GPHN: variants seen among roughly 807,000 people sequenced by gnomAD.
GPHN encodes the protein gephyrin.
In GPHN, 17 loss-of-function variants were observed where a neutral mutation model predicts 95.5. The observed-to-expected ratio is 0.18, with a 90% CI of 0.12 to 0.27. The LOEUF (loss-of-function observed/expected upper bound fraction) is 0.27. Ranked by LOEUF, GPHN falls within the 10% of genes least tolerant of loss-of-function variation. GPHN has a pLI of 1.00. For synonymous variants in GPHN, 320 were observed against 322.5 expected (o/e 0.99, Z 0.08); for missense variants, 660 against 978.1 (o/e 0.67, Z 4.34).
chr14:67,382,721 G>A, the GPHN span: 15 of 1,007,214 alleles, frequency 1.5e-5, no homozygotes, highest in Admixed American at 2.0e-5. Context: ...GATCACTAAT[G>A]GTGTTAGGGT....
At chr14:66,609,024 G>C (rs1398272162) in intron 1 of GPHN, among the ~76,000 whole-genome samples, 1 of 152,080 alleles carries the variant, frequency 6.6e-6, no homozygotes, top group Non-Finnish European at 1.5e-5. Flanking sequence ...TACAGAAATT[G>C]TGTTTTTAGC....
chr14:67,429,027 G>A, the GPHN span, among the ~76,000 whole-genome samples: 3 of 152,154 alleles, frequency 2.0e-5, no homozygotes, highest in Non-Finnish European at 4.4e-5. Flanking sequence ...GGAATGTGAA[G>A]GCTCAAGACC....
the GPHN span, among the ~76,000 whole-genome samples, chr14:67,355,338 C>T: frequency 6.7e-6 from 1 of 149,154 alleles, no homozygotes; most frequent in Non-Finnish European, 1.5e-5. Flanking sequence ...AGCCCCAATA[C>T]CAAAGTCAAG....
the GPHN span, chr14:67,674,543 TC>T: frequency 1.4e-6 from 2 of 1,477,384 alleles, no homozygotes; most frequent in Non-Finnish European, 1.8e-6. Flanking sequence ...CTGGGCCCTT[TC>T]CTAGCCCGGC....
the GPHN span, among the ~76,000 whole-genome samples, chr14:67,687,813 G>T: frequency 6.9e-6 from 1 of 145,448 alleles, no homozygotes; most frequent in East Asian, 2.0e-4. Flanking sequence ...TACTCGTGAC[G>T]CCCAGGCTGG....
At chr14:67,038,576 C>A (rs1279520442) in intron 10 of GPHN, among the ~76,000 whole-genome samples, 1 of 151,966 alleles carries the variant, frequency 6.6e-6, no homozygotes, top group Non-Finnish European at 1.5e-5. Flanking sequence ...GTATATGTTA[C>A]CATTCTATGT....
At chr14:67,404,770 A>G in the GPHN span, among the ~76,000 whole-genome samples, 2 of 151,770 alleles carry the variant, frequency 1.3e-5, no homozygotes, top group Non-Finnish European at 2.9e-5. Flanking sequence ...TGATCACACC[A>G]ATGAACTCCA....
At chr14:67,557,355 G>A in the GPHN span, 11 of 1,613,826 alleles carry the variant, frequency 6.8e-6, no homozygotes, top group Non-Finnish European at 9.3e-6. Flanking sequence ...ACCAAGAATT[G>A]CTGAAAGCCA....
At chr14:66,639,299 A>G (rs1449312119) in intron 1 of GPHN, among the ~76,000 whole-genome samples, 1 of 152,142 alleles carries the variant, frequency 6.6e-6, no homozygotes, top group East Asian at 1.9e-4. Context: ...GGTTTAAAAA[A>G]AATTCATCAG....
intron 1 of GPHN, among the ~76,000 whole-genome samples, chr14:66,612,600 A>T (rs186354463): frequency 2.6e-5 from 4 of 152,094 alleles, no homozygotes; most frequent in Non-Finnish European, 4.4e-5. Context: ...ACATAATTCA[A>T]ATTCACAAAT....
At chr14:66,928,262 G>T (rs981830889) in intron 8 of GPHN, among the ~76,000 whole-genome samples, 2 of 152,118 alleles carry the variant, frequency 1.3e-5, no homozygotes, top group African/African-American at 4.8e-5. Flanking sequence ...TTGGTAGGTT[G>T]TATGCATCTA....
At chr14:67,298,407 C>T in the GPHN span, among the ~76,000 whole-genome samples, 4 of 151,578 alleles carry the variant, frequency 2.6e-5, no homozygotes, top group African/African-American at 9.7e-5. Context: ...CCCAGCTACT[C>T]AGGAGTCTGA....
At chr14:66,965,078 A>G (rs1594653964) in intron 8 of GPHN, 113 bp from the exon 9 acceptor site, 2 of 851,484 alleles carry the variant, frequency 2.3e-6, no homozygotes, top group East Asian at 4.8e-5. Flanking sequence ...ACAGTAAGTG[A>G]CACCAAATAT....
At chr14:67,545,687 A>G in the GPHN span, among the ~76,000 whole-genome samples, 1 of 152,246 alleles carries the variant, frequency 6.6e-6, no homozygotes, top group East Asian at 1.9e-4. Context: ...AAACATATTC[A>G]GTGTATTTGT....
At chr14:66,553,813 G>A (rs2140204016) in intron 1 of GPHN, among the ~76,000 whole-genome samples, 1 of 152,148 alleles carries the variant, frequency 6.6e-6, no homozygotes, top group South Asian at 2.1e-4. Context: ...TTGACCTCAT[G>A]ATCCTCCTGC....
chr14:67,324,115 C>G, the GPHN span, among the ~76,000 whole-genome samples: 1 of 152,330 alleles, frequency 6.6e-6, no homozygotes, highest in South Asian at 2.1e-4. Context: ...TGACTTTTCT[C>G]TGTAGATACT....
At chr14:66,824,614 G>T (rs777362036) in intron 4 of GPHN, 48 bp downstream of exon 4, 2 of 860,118 alleles carry the variant, frequency 2.3e-6, no homozygotes, top group East Asian at 2.5e-5. Flanking sequence ...ACTAATCATG[G>T]TTTTTTTAAT....
the GPHN span, among the ~76,000 whole-genome samples, chr14:67,499,761 A>G: frequency 2.4e-4 from 36 of 152,132 alleles, no homozygotes; most frequent in Non-Finnish European, 1.3e-4. Flanking sequence ...AGACTCTGAG[A>G]AGGGCTGGTT....
At chr14:66,647,617 G>A (rs1223286451) in intron 1 of GPHN, among the ~76,000 whole-genome samples, 2 of 151,636 alleles carry the variant, frequency 1.3e-5, no homozygotes, top group East Asian at 1.9e-4. Flanking sequence ...GTTAGGCACA[G>A]TATGAGATTA....
Sources: allele counts gnomAD v4.1 joint callset (sites outside exome capture counted in the v4.1 genomes callset), GRCh38; gene constraint gnomAD v4.1.1; transcripts MANE v1.5; gene names NCBI Gene and HGNC (gene_info 2026-07-23, HGNC 2026-07-21).